Variants in CSMD1 observed in about 807,000 individuals in gnomAD.
CSMD1 encodes CUB and Sushi multiple domains 1.
A neutral mutation model predicts 417.5 loss-of-function variants in CSMD1; 213 were observed. The ratio of observed to expected loss-of-function variants is 0.51; its 90% CI spans 0.46 to 0.57. The LOEUF is 0.57. Ranked by LOEUF, CSMD1 falls within the 20% of genes least tolerant of loss-of-function variation. CSMD1 has a pLI of 0.00. For missense variants in CSMD1, 6,923 were observed against 4,529.7 expected (o/e 1.53, Z -15.17); for synonymous variants, 2,862 against 1,736.8 (o/e 1.65, Z -16.11).
chr8:3,369,634 C>T (rs1286913401), intron 18 of CSMD1, among the ~76,000 whole-genome samples: 2 of 152,278 alleles, frequency 1.3e-5, no homozygotes, highest in East Asian at 1.9e-4. Context: ...CATTAACAAG[C>T]CTCAGAATTG....
At chr8:4,608,705 T>G (rs1337227542) in intron 2 of CSMD1, among the ~76,000 whole-genome samples, 1 of 152,218 alleles carries the variant, frequency 6.6e-6, no homozygotes, top group Non-Finnish European at 1.5e-5. Flanking sequence ...AAATTATCCT[T>G]CAGGCATTTC....
At chr8:4,303,523 A>G (rs1798093537) in intron 3 of CSMD1, among the ~76,000 whole-genome samples, 1 of 148,172 alleles carries the variant, frequency 6.7e-6, no homozygotes, top group Non-Finnish European at 1.5e-5. Flanking sequence ...TCTATATTCA[A>G]AGATTCTGTA....
intron 3 of CSMD1, among the ~76,000 whole-genome samples, chr8:4,200,178 A>C (rs530415807): frequency 6.6e-6 from 1 of 152,198 alleles, no homozygotes; most frequent in Non-Finnish European, 1.5e-5. Flanking sequence ...CTTTTTAACT[A>C]CCTGGACAAA....
At chr8:3,654,204 C>A (rs1457169385) in intron 7 of CSMD1, among the ~76,000 whole-genome samples, 1 of 152,168 alleles carries the variant, frequency 6.6e-6, no homozygotes, top group Non-Finnish European at 1.5e-5. Flanking sequence ...TTAATATTTA[C>A]CTTCAGTTTG....
At chr8:4,370,470 T>C (rs937996216) in intron 3 of CSMD1, among the ~76,000 whole-genome samples, 1 of 152,156 alleles carries the variant, frequency 6.6e-6, no homozygotes, top group East Asian at 1.9e-4. Flanking sequence ...ATTTCTTGCA[T>C]TTGCATGGCA....
chr8:4,698,725 C>G (rs986131901), intron 1 of CSMD1, among the ~76,000 whole-genome samples: 1 of 148,452 alleles, frequency 6.7e-6, no homozygotes. Context: ...CACCTTCTCC[C>G]TTCCTTCTTA....
chr8:3,048,375 A>G (rs67938524), intron 50 of CSMD1, among the ~76,000 whole-genome samples: 43,155 of 152,086 alleles, frequency 0.28, 6,244 homozygotes, highest in East Asian at 0.33. Flanking sequence ...TGTTACTGGC[A>G]AAAAAGTAGA....
At chr8:4,102,504 A>C (rs1801357313) in intron 3 of CSMD1, among the ~76,000 whole-genome samples, 1 of 152,160 alleles carries the variant, frequency 6.6e-6, no homozygotes, top group Non-Finnish European at 1.5e-5. Context: ...GAATTCTTTG[A>C]AAACTTAGCG....
intron 49 of CSMD1, among the ~76,000 whole-genome samples, chr8:3,077,080 C>T (rs1190140222): frequency 1.3e-5 from 2 of 152,126 alleles, no homozygotes; most frequent in Non-Finnish European, 2.9e-5. Context: ...GTGTTAAACC[C>T]ATGCTCATTA....
intron 5 of CSMD1, among the ~76,000 whole-genome samples, chr8:3,909,824 G>C (rs964966260): frequency 1.3e-5 from 2 of 150,282 alleles, no homozygotes; most frequent in East Asian, 1.9e-4. Flanking sequence ...CATGGTGATT[G>C]TAATAGAAGC....
chr8:3,438,788 T>G (rs1037604196), intron 12 of CSMD1, among the ~76,000 whole-genome samples: 2 of 151,948 alleles, frequency 1.3e-5, no homozygotes, highest in Non-Finnish European at 2.9e-5. Flanking sequence ...AGTGCAATTG[T>G]CGGGTCATAT....
intron 3 of CSMD1, among the ~76,000 whole-genome samples, chr8:4,113,667 G>C (rs1441915734): frequency 6.6e-6 from 1 of 152,114 alleles, no homozygotes; most frequent in Non-Finnish European, 1.5e-5. Flanking sequence ...ACCTCCCAAA[G>C]TGCTAGGATT....
chr8:3,739,419 C>T (rs991228011), intron 6 of CSMD1, among the ~76,000 whole-genome samples: 1 of 152,186 alleles, frequency 6.6e-6, no homozygotes, highest in Non-Finnish European at 1.5e-5. Context: ...GTTCCCAACA[C>T]AGAGAAATAA....
chr8:4,691,789 A>T (rs756189285), intron 1 of CSMD1, among the ~76,000 whole-genome samples: 3 of 152,196 alleles, frequency 2.0e-5, no homozygotes, highest in Admixed American at 2.0e-4. Context: ...TTTAACCTTT[A>T]AATCATTGTT....
chr8:4,597,375 G>T (rs1190301293), intron 2 of CSMD1, among the ~76,000 whole-genome samples: 1 of 152,144 alleles, frequency 6.6e-6, no homozygotes, highest in East Asian at 1.9e-4. Flanking sequence ...AAAGTAGTGT[G>T]AGGTATGTTG....
intron 1 of CSMD1, among the ~76,000 whole-genome samples, chr8:4,974,542 C>T (rs184571633): frequency 6.6e-6 from 1 of 151,998 alleles, no homozygotes; most frequent in Non-Finnish European, 1.5e-5. Flanking sequence ...AGAGTTAGTT[C>T]AGGCATACAA....
chr8:3,509,128 T>C (rs1461248317), intron 10 of CSMD1, among the ~76,000 whole-genome samples: 1 of 152,170 alleles, frequency 6.6e-6, no homozygotes, highest in Non-Finnish European at 1.5e-5. Context: ...TTATGAGAAT[T>C]TACTCTAAGT....
chr8:3,668,855 T>C (rs1172375368), intron 7 of CSMD1, among the ~76,000 whole-genome samples: 1 of 152,196 alleles, frequency 6.6e-6, no homozygotes, highest in African/African-American at 2.4e-5. Flanking sequence ...TATAGAATTA[T>C]ATTGCTCTGG....
At chr8:3,958,684 T>C (rs1413365301) in intron 5 of CSMD1, among the ~76,000 whole-genome samples, 1 of 152,228 alleles carries the variant, frequency 6.6e-6, no homozygotes, top group Admixed American at 6.5e-5. Context: ...AAGAGGGAAA[T>C]GGATCAGGAC....
Sources: allele counts gnomAD v4.1 joint callset (sites outside exome capture counted in the v4.1 genomes callset), GRCh38; gene constraint gnomAD v4.1.1; transcripts MANE v1.5; gene names NCBI Gene and HGNC (gene_info 2026-07-23, HGNC 2026-07-21).